PFKFB2: variants seen among roughly 807,000 people sequenced by gnomAD.
PFKFB2 encodes the protein 6-phosphofructo-2-kinase/fructose-2,6-bisphosphatase 2.
In PFKFB2, 53 loss-of-function variants were observed where a neutral mutation model predicts 68.0. The observed-to-expected ratio is 0.78, with a 90% CI of 0.63 to 0.98. PFKFB2 has a LOEUF of 0.98. PFKFB2 is among the 50% of genes least tolerant of loss of function. PFKFB2 has a pLI of 0.00. For missense variants in PFKFB2, 451 were observed against 642.0 expected (o/e 0.70, Z 3.22); for synonymous variants, 222 against 227.6 (o/e 0.98, Z 0.22).
Position 207,070,934 on chromosome 1 carries a change from A to G in PFKFB2, c.1223-254A>G, listed in dbSNP as rs1214178791. 3.3e-5 allele frequency among the ~76,000 whole-genome samples: 5 copies of G among 152,010 alleles called. No homozygotes were observed. The highest frequency in any genetic ancestry group is 7.4e-5 in the Non-Finnish European group (5 of 67,978). Reference sequence around the variant, plus strand: ...TGCTGTACCCAGGTGACCCCCTTCCATTGGGCTCTCTGGCTACAATACTTC... The same window carrying G: ...TGCTGTACCCAGGTGACCCCCTTCCGTTGGGCTCTCTGGCTACAATACTTC... On this transcript the variant is annotated intron_variant, in intron 12 of 14. Coordinates refer to ENST00000367080, the MANE Select transcript of PFKFB2 (RefSeq NM_006212.2). This position sits in a 1 kb window ranked among gnomAD's most constrained non-coding sequence, Gnocchi z 4.2.
chr1:207,060,976 A>C (rs1187331457), intron 2 of PFKFB2: 1 of 142,738 alleles, frequency 7.0e-6, no homozygotes, highest in Non-Finnish European at 1.5e-5. Flanking sequence ...ATATCTATAT[A>C]TCTATATATC....
intron 2 of PFKFB2, chr1:207,047,091 C>T (rs909984825): frequency 1.2e-4 from 18 of 152,410 alleles, no homozygotes; most frequent in African/African-American, 3.9e-4. Flanking sequence ...AGATACAAAA[C>T]CAAAACCATC....
Position 207,070,057 on chromosome 1 carries a change from A to G in PFKFB2, c.1093-223A>G, listed in dbSNP as rs749650886. ...GTTGAACTCACACTTCCTCTTCTTA[A>G]CCTGTAGTTTTCTTGGTCTAAATAT... On this transcript the variant is annotated intron_variant, in intron 11 of 14. Transcript: ENST00000367080. This position sits in a 1 kb window ranked among gnomAD's most constrained non-coding sequence, Gnocchi z 4.2. Among the ~76,000 whole-genome samples the G allele has an allele frequency of 5.3e-5, 8 of 152,182 alleles. No homozygotes were observed. The highest frequency in any genetic ancestry group is 1.0e-4 in the Non-Finnish European group (7 of 68,024).
At chr1:207,061,888 CA>C (rs1209446339) in intron 2 of PFKFB2, 64 bp from the exon 3 acceptor site, 1 of 1,452,322 alleles carries the variant, frequency 6.9e-7, no homozygotes, top group Non-Finnish European at 9.7e-7. Context: ...CTCAAAAAAA[CA>C]AACACCAAAA....
rs1186850978 is a variant in PFKFB2 at position 207,063,903 on chromosome 1, G to GTGTGTGTGTGTGTA, written c.507+87_507+88insATGTGTGTGTGTGT. Reference sequence around the variant, plus strand: ...TGTGTTGTGGGGTGTGTGTGTGTGTGTGTGTGTGTGTGTTGTTGGGGAGGG... The same window carrying GTGTGTGTGTGTGTA: ...TGTGTTGTGGGGTGTGTGTGTGTGTGTGTGTGTGTGTGTATGTGTGTGTGTGTTGTTGGGGAGGG... On this transcript the variant is annotated intron_variant, in intron 7 of 14. Coordinates refer to ENST00000367080, the MANE Select transcript of PFKFB2 (RefSeq NM_006212.2). This position sits in a 1 kb window ranked among gnomAD's most constrained non-coding sequence, Gnocchi z 4.1. 2.2e-5 allele frequency: 23 copies of GTGTGTGTGTGTGTA among 1,031,394 alleles called. No individual in the cohort carries two copies. The highest frequency in any genetic ancestry group is 2.9e-5 in the Non-Finnish European group (19 of 653,952). The allele number at this position is 1,031,394 out of a possible 1,614,324, so 63.9% of individuals were successfully genotyped here.
chr1:207,040,693 G>C (rs990438280), intron 1 of PFKFB2, among the ~76,000 whole-genome samples: 2 of 152,064 alleles, frequency 1.3e-5, no homozygotes, highest in African/African-American at 4.8e-5. Context: ...TATTTGAAAT[G>C]CCTGCTTTTC....
At chr1:207,049,708 A>G (rs769652373), upstream of PFKFB2, 1 of 1,613,232 alleles carries the variant, frequency 6.2e-7, no homozygotes, top group South Asian at 1.1e-5. Flanking sequence ...GTCTTCTTCA[A>G]TGATCAGCAT....
At chr1:207,037,581 A>T (rs920005507) in intron 1 of PFKFB2, among the ~76,000 whole-genome samples, 1 of 152,228 alleles carries the variant, frequency 6.6e-6, no homozygotes, top group East Asian at 1.9e-4. Context: ...ATTCACAAAC[A>T]TCTCAAACTT....
chr1:207,059,639 G>A (rs559556200), intron 2 of PFKFB2, among the ~76,000 whole-genome samples: 1 of 152,218 alleles, frequency 6.6e-6, no homozygotes, highest in African/African-American at 2.4e-5. Context: ...TGTGTGCAGT[G>A]GGTAAAGGAC....
At position 207,063,895 on chromosome 1, in the gene PFKFB2, G is replaced by GTGTGTGTGTGTGTGTGTA; in HGVS notation, c.507+83_507+84insATGTGTGTGTGTGTGTGT. On this transcript the variant is annotated intron_variant, in intron 7 of 14. Coordinates refer to ENST00000367080, the MANE Select transcript of PFKFB2 (RefSeq NM_006212.2). This position sits in a 1 kb window ranked among gnomAD's most constrained non-coding sequence, Gnocchi z 4.1. ...GTGCTGTGTGTGTTGTGGGGTGTGT[G>GTGTGTGTGTGTGTGTGTA]TGTGTGTGTGTGTGTGTGTGTTGTT... is the stretch of plus-strand genomic sequence containing the variant. 1 of 997,272 alleles carries GTGTGTGTGTGTGTGTGTA rather than the reference G, an allele frequency of 1.0e-6. No homozygotes were observed. Among genetic ancestry groups the GTGTGTGTGTGTGTGTGTA allele is most frequent in the South Asian group, 1.3e-5 (1 of 77,678 alleles). The allele number at this position is 997,272 out of a possible 1,614,324, so 61.8% of individuals were successfully genotyped here. A position where few individuals can be genotyped will look rare whatever the true frequency, so the allele number is the denominator to read the frequency against.
intron 8 of PFKFB2, among the ~76,000 whole-genome samples, chr1:207,065,516 ATT>A (rs1230382190): frequency 9.5e-5 from 13 of 136,808 alleles, no homozygotes; most frequent in Non-Finnish European, 8.0e-5. Context: ...ATGCCCGGCT[ATT>A]TTTTTTTTTT....
chr1:207,059,712 C>A (rs1409138114), intron 2 of PFKFB2, among the ~76,000 whole-genome samples: 1 of 151,918 alleles, frequency 6.6e-6, no homozygotes, highest in East Asian at 1.9e-4. Context: ...CCACTAGGGT[C>A]ACTCTGAGTA....
intron 1 of PFKFB2, 44 bp from the exon 2 acceptor site, chr1:207,054,655 TTC>T: frequency 1.5e-6 from 2 of 1,354,238 alleles, no homozygotes; most frequent in Non-Finnish European, 1.0e-6. Context: ...AAGTTATGTC[TTC>T]TTTCTTCCCC....
chr1:207,051,600 G>C (rs895151252), upstream of PFKFB2, among the ~76,000 whole-genome samples: 17 of 152,226 alleles, frequency 1.1e-4, no homozygotes, highest in African/African-American at 4.1e-4. Flanking sequence ...GCCCAGGGCA[G>C]CTGCCTCATT....
At chr1:207,037,668 A>G (rs944315913) in intron 1 of PFKFB2, among the ~76,000 whole-genome samples, 3 of 152,160 alleles carry the variant, frequency 2.0e-5, no homozygotes, top group Non-Finnish European at 4.4e-5. Flanking sequence ...AGTAAATGTC[A>G]CTTTTTCCTA....
Position 207,065,110 on chromosome 1 carries a change from T to C in PFKFB2, c.582T>C (p.Ile194=). ...TGATGGAGGACTTCCTGAAGAGAAT[T>C]GAATGCTACAAAGTTACCTACCGAC... The part of the protein sequence containing the change: ...ENVMEDFLKR[I]ECYKVTYRPL... The change falls in exon 8 of 15, where the codon ATT becomes ATC. Residue 194 remains isoleucine (I), a synonymous_variant. Coordinates refer to ENST00000367080, the MANE Select transcript of PFKFB2 (RefSeq NM_006212.2). 6.2e-7 allele frequency: 1 copy of C among 1,614,054 alleles called. No homozygotes were observed. The highest frequency in any genetic ancestry group is 1.1e-5 in the South Asian group (1 of 91,076).
Position 207,075,146 on chromosome 1 carries a change from C to T in PFKFB2, c.*2775C>T. 1 of 985,472 alleles carries T rather than the reference C, an allele frequency of 1.0e-6. No individual in the cohort carries two copies. The highest frequency in any genetic ancestry group is 1.2e-6 in the Non-Finnish European group (1 of 829,952). 61.0% of individuals were successfully genotyped at this position (985,472 alleles called of 1,614,324 possible). On this transcript the variant is annotated 3_prime_UTR_variant, in exon 15 of 15. Coordinates refer to ENST00000367080, the MANE Select transcript of PFKFB2 (RefSeq NM_006212.2). ...CCACTCTTAGCAAAAGGGGACTTCTCTAACAAGCTAGCATTGTGTTAACCT... is the reference window on the plus strand; with the variant it reads ...CCACTCTTAGCAAAAGGGGACTTCTTTAACAAGCTAGCATTGTGTTAACCT...
chr1:207,051,070 C>G (rs770733438), upstream of PFKFB2: 198 of 1,465,702 alleles, frequency 1.4e-4, no homozygotes, highest in Non-Finnish European at 1.7e-4. Context: ...CGCGACGCTT[C>G]GGTGCGGCTT....
downstream of PFKFB2, chr1:207,078,865 G>C: frequency 1.9e-6 from 2 of 1,055,334 alleles, no homozygotes; most frequent in South Asian, 2.5e-5. Flanking sequence ...AGGGAGGAGG[G>C]AAGGTAGGGG....
Sources: gnomAD v4.1 joint callset for allele counts (sites outside exome capture counted in the v4.1 genomes callset) on GRCh38, gnomAD v4.1.1 for gene constraint, Gnocchi (gnomAD v3.1) non-coding constraint, MANE v1.5 for transcripts, NCBI Gene and HGNC (gene_info 2026-07-23, HGNC 2026-07-21) for gene names.